TRABD2B: variants seen among roughly 807,000 people sequenced by gnomAD.
TRABD2B encodes TraB domain containing 2B.
Under a neutral mutation model 40.1 loss-of-function variants are expected in TRABD2B, and 14 were observed. The observed-to-expected ratio is 0.35, with a 90% confidence interval of 0.23 to 0.55. The LOEUF is 0.55. Among genes scored for constraint, TRABD2B ranks in the 20% least tolerant of loss-of-function variants. TRABD2B has a pLI of 0.90. For missense variants in TRABD2B, 541 were observed against 648.6 expected, an observed-to-expected ratio of 0.83 and a Z score of 1.80; for synonymous variants, 263 against 277.0, an observed-to-expected ratio of 0.95 and a Z score of 0.50.
intron 2 of TRABD2B, among the ~76,000 whole-genome samples, chr1:47,808,812 C>T (rs992584813): frequency 6.6e-6 from 1 of 152,150 alleles, no homozygotes; most frequent in East Asian, 1.9e-4. Context: ...AAGCCACCTC[C>T]ACCCAACCAG....
In TRABD2B at chr1:47,801,664, C is replaced by A. The variant is rs556626748; in HGVS notation, c.667-45G>T. On this transcript the variant is annotated intron_variant, in intron 2 of 6. Coordinates refer to ENST00000606738, the MANE Select transcript of TRABD2B (RefSeq NM_001194986.2). The stretch of plus-strand genomic sequence containing the variant: ...AGGAATGAGGGCTGTGCTCAGGGAC[C>A]CTGGCTGAGCTCTAGGACTGACCCT... 520 of 1,525,902 alleles carry A rather than the reference C, an allele frequency of 3.4e-4. 1 individual carries two copies. The highest frequency in any genetic ancestry group is 5.7e-4 in the Middle Eastern group (3 of 5,250). The allele number at this position is 1,525,902 out of a possible 1,614,324, so 94.5% of individuals were successfully genotyped here. A position where few individuals can be genotyped will look rare whatever the true frequency, so the allele number is the denominator to read the frequency against.
At chr1:47,856,585 G>A (rs1643892529) in intron 2 of TRABD2B, among the ~76,000 whole-genome samples, 2 of 152,304 alleles carry the variant, frequency 1.3e-5, no homozygotes, top group South Asian at 2.1e-4. Flanking sequence ...GGTGCTTAGA[G>A]AGGCTCAGAG....
chr1:47,870,536 C>T (rs546371853), intron 2 of TRABD2B, among the ~76,000 whole-genome samples: 1 of 152,298 alleles, frequency 6.6e-6, no homozygotes, highest in South Asian at 2.1e-4. Context: ...CACTTGTCAC[C>T]ATGCATCAGG....
intron 2 of TRABD2B, among the ~76,000 whole-genome samples, chr1:47,868,065 A>C (rs1419418489): frequency 6.6e-6 from 1 of 152,186 alleles, no homozygotes; most frequent in African/African-American, 2.4e-5. Context: ...GTTTCTCTTG[A>C]ATTCCTACCT....
chr1:47,771,151 C>A (rs1644372669), intron 6 of TRABD2B, among the ~76,000 whole-genome samples: 1 of 152,174 alleles, frequency 6.6e-6, no homozygotes, highest in Admixed American at 6.5e-5. Context: ...CATCTCGAAC[C>A]ATCCCAGAAG....
intron 3 of TRABD2B, among the ~76,000 whole-genome samples, chr1:47,795,948 G>T (rs772619087): frequency 6.6e-6 from 1 of 151,812 alleles, no homozygotes; most frequent in African/African-American, 2.4e-5. Flanking sequence ...CATTAACAGG[G>T]TCTTGAACTA....
At chr1:47,964,373 T>C (rs752253683) in intron 2 of TRABD2B, among the ~76,000 whole-genome samples, 17 of 152,166 alleles carry the variant, frequency 1.1e-4, no homozygotes, top group Non-Finnish European at 2.2e-4. Context: ...ACCAATAGAC[T>C]TGCTGAGGAA....
At chr1:47,992,996 G>A (rs977554215) in intron 2 of TRABD2B, among the ~76,000 whole-genome samples, 68 of 152,344 alleles carry the variant, frequency 4.5e-4, no homozygotes, top group African/African-American at 1.5e-3. Flanking sequence ...AGTTTCTGCC[G>A]CTGTTTCCCT....
chr1:47,935,526 T>C (rs1645095582), intron 2 of TRABD2B, among the ~76,000 whole-genome samples: 1 of 152,198 alleles, frequency 6.6e-6, no homozygotes, highest in Non-Finnish European at 1.5e-5. Flanking sequence ...AAAGTCCTAG[T>C]GCACTAAGTA....
At chr1:47,965,194 C>T (rs1326534915) in intron 2 of TRABD2B, among the ~76,000 whole-genome samples, 3 of 11,660 alleles carry the variant, frequency 2.6e-4, no homozygotes, top group South Asian at 1.9e-3. Flanking sequence ...TCAGATTTGG[C>T]GGGGGGCGGG....
At chr1:47,857,921 C>G (rs978499938) in intron 2 of TRABD2B, among the ~76,000 whole-genome samples, 2 of 115,474 alleles carry the variant, frequency 1.7e-5, no homozygotes, top group Non-Finnish European at 3.3e-5. Flanking sequence ...GTTTCACTTT[C>G]CATGGTTTCA....
intron 2 of TRABD2B, among the ~76,000 whole-genome samples, chr1:47,883,750 C>T (rs1314357900): frequency 6.6e-6 from 1 of 152,252 alleles, no homozygotes; most frequent in Non-Finnish European, 1.5e-5. Flanking sequence ...AACGCAAACC[C>T]ACTGTTCAGT....
At chr1:47,775,895 C>T (rs1005381081) in intron 5 of TRABD2B, among the ~76,000 whole-genome samples, 1 of 151,918 alleles carries the variant, frequency 6.6e-6, no homozygotes, top group South Asian at 2.1e-4. Context: ...ACATTTGAGC[C>T]CAGGCTAGGA....
At chr1:47,868,691 C>T (rs1644095285) in intron 2 of TRABD2B, among the ~76,000 whole-genome samples, 1 of 152,158 alleles carries the variant, frequency 6.6e-6, no homozygotes, top group Non-Finnish European at 1.5e-5. Context: ...ACCCTCCTCA[C>T]CCTAGACTGT....
In TRABD2B at chr1:47,763,166, T is replaced by C. The variant is rs1644262372; in HGVS notation, c.*2736A>G. 6.6e-6 allele frequency: 1 copy of C among 152,214 alleles called. No individual in the cohort carries two copies. Among genetic ancestry groups the C allele is most frequent in the African/African-American group, 2.4e-5 (1 of 41,444 alleles). The allele number at this position is 152,214 out of a possible 1,614,324, so 9.4% of individuals were successfully genotyped here. On this transcript the variant is annotated 3_prime_UTR_variant, in exon 7 of 7. Coordinates refer to ENST00000606738, the MANE Select transcript of TRABD2B (RefSeq NM_001194986.2). ...GGTTCTCTGGCCCAGGATGAGAGAATTCAAGTGCCCCAGACATGCAGATTC... is the reference window on the plus strand; with the variant it reads ...GGTTCTCTGGCCCAGGATGAGAGAACTCAAGTGCCCCAGACATGCAGATTC...
chr1:47,816,793 T>C (rs1645038423), intron 2 of TRABD2B, among the ~76,000 whole-genome samples: 1 of 152,210 alleles, frequency 6.6e-6, no homozygotes, highest in African/African-American at 2.4e-5. Flanking sequence ...GTCACAAGTA[T>C]TTCATTCAAA....
In TRABD2B at chr1:47,801,479, T is replaced by G. The variant is rs1409491408; in HGVS notation, c.807A>C (p.Thr269=). The change falls in exon 3 of 7, where the codon ACA becomes ACC. Residue 269 remains threonine, a synonymous_variant. Transcript: ENST00000606738. ...DLSAVIFNHD[T]SQLPNFINTT... ...CTTTGGAGAGGAGCCTCACCTGGGATGTGTCGTGGTTGAAGATGACTGCGC... is the reference window on the plus strand; with the variant it reads ...CTTTGGAGAGGAGCCTCACCTGGGAGGTGTCGTGGTTGAAGATGACTGCGC... 6.5e-7 allele frequency: 1 copy of G among 1,535,778 alleles called. No individual in the cohort carries two copies. The highest frequency in any genetic ancestry group is 8.7e-7 in the Non-Finnish European group (1 of 1,146,778).
chr1:47,902,728 T>A (rs1370582900), intron 2 of TRABD2B, among the ~76,000 whole-genome samples: 1 of 152,116 alleles, frequency 6.6e-6, no homozygotes, highest in Non-Finnish European at 1.5e-5. Flanking sequence ...CCTCAAGCCA[T>A]CCTCCCACCT....
At chr1:47,785,445 TGGAG>T (rs1644583012) in intron 4 of TRABD2B, among the ~76,000 whole-genome samples, 1 of 152,212 alleles carries the variant, frequency 6.6e-6, no homozygotes, top group South Asian at 2.1e-4. Context: ...TGCTCCTCTT[TGGAG>T]GCTGTTAGAA....
Sources: gnomAD v4.1 joint callset for allele counts (sites outside exome capture counted in the v4.1 genomes callset) on GRCh38, gnomAD v4.1.1 for gene constraint, MANE v1.5 for transcripts, NCBI Gene and HGNC (gene_info 2026-07-23, HGNC 2026-07-21) for gene names.